EDIL3: variants seen among roughly 807,000 people sequenced by gnomAD.
EDIL3 encodes the protein EGF like and discoidin domains 3.
Under a neutral mutation model 67.4 loss-of-function variants are expected in EDIL3, and 37 were observed. The ratio of observed to expected loss-of-function variants is 0.55; its 90% CI spans 0.42 to 0.72. EDIL3 has a LOEUF of 0.72. Among genes scored for constraint, EDIL3 ranks in the 30% least tolerant of loss-of-function variants. The pLI, the probability that EDIL3 is intolerant of heterozygous loss-of-function variation, is 0.00. For missense variants in EDIL3, 527 were observed against 586.3 expected (o/e 0.90, Z 1.04); for synonymous variants, 195 against 196.3 (o/e 0.99, Z 0.05).
intron 9 of EDIL3, among the ~76,000 whole-genome samples, chr5:83,978,271 A>T (rs1744907676): frequency 6.6e-6 from 1 of 151,474 alleles, no homozygotes. Flanking sequence ...AAATGTTTTT[A>T]TGGTATTACA....
chr5:84,066,285 CTG>C (rs1260005865), intron 7 of EDIL3, among the ~76,000 whole-genome samples, 164 bp downstream of exon 7: 1 of 152,086 alleles, frequency 6.6e-6, no homozygotes, highest in African/African-American at 2.4e-5. Context: ...AGTTTATAAA[CTG>C]GAGAATTACT....
chr5:83,964,646 G>T (rs1744659990), intron 9 of EDIL3, among the ~76,000 whole-genome samples: 3 of 151,982 alleles, frequency 2.0e-5, no homozygotes, highest in Admixed American at 2.0e-4. Flanking sequence ...AGTTTCCAAT[G>T]TGTCACAGCC....
chr5:84,013,148 G>A (rs773608771), intron 9 of EDIL3, among the ~76,000 whole-genome samples: 1 of 151,828 alleles, frequency 6.6e-6, no homozygotes, highest in South Asian at 2.1e-4. Context: ...GAGGCTAAAA[G>A]AATGCATCTC....
chr5:84,183,028 T>C (rs1749042379), intron 3 of EDIL3, among the ~76,000 whole-genome samples: 1 of 152,168 alleles, frequency 6.6e-6, no homozygotes. Flanking sequence ...AAAATCATGC[T>C]GCAGAACCTA....
intron 4 of EDIL3, among the ~76,000 whole-genome samples, chr5:84,160,971 A>G (rs533584020): frequency 6.6e-6 from 1 of 151,938 alleles, no homozygotes; most frequent in African/African-American, 2.4e-5. Flanking sequence ...AGTACCCATT[A>G]TGTAGTCTTT....
chr5:84,316,132 A>T (rs1746507982), intron 1 of EDIL3, among the ~76,000 whole-genome samples: 1 of 152,196 alleles, frequency 6.6e-6, no homozygotes, highest in South Asian at 2.1e-4. Context: ...AAAAGATACA[A>T]CCAGTACCAT....
At chr5:84,337,095 C>T (rs1032466946) in intron 1 of EDIL3, among the ~76,000 whole-genome samples, 2 of 152,168 alleles carry the variant, frequency 1.3e-5, no homozygotes, top group Non-Finnish European at 2.9e-5. Context: ...TCCACCAACA[C>T]ATCCTGAACA....
intron 1 of EDIL3, among the ~76,000 whole-genome samples, chr5:84,381,250 G>T (rs1010044298): frequency 6.6e-6 from 1 of 152,076 alleles, no homozygotes; most frequent in Non-Finnish European, 1.5e-5. Flanking sequence ...GGAAAAAATT[G>T]TGTGTTGTAT....
intron 1 of EDIL3, among the ~76,000 whole-genome samples, chr5:84,333,790 A>G (rs182302622): frequency 3.7e-4 from 57 of 152,298 alleles, no homozygotes; most frequent in African/African-American, 1.3e-3. Context: ...TATAATCAAT[A>G]AAAATAAGTA....
chr5:84,013,274 C>T (rs1006985519), intron 9 of EDIL3, among the ~76,000 whole-genome samples: 1 of 151,892 alleles, frequency 6.6e-6, no homozygotes. Flanking sequence ...ATTTTAAATT[C>T]TTCAATCTAA....
chr5:84,188,980 T>G (rs561325700), intron 3 of EDIL3, among the ~76,000 whole-genome samples: 1 of 152,176 alleles, frequency 6.6e-6, no homozygotes, highest in East Asian at 1.9e-4. Flanking sequence ...ATACCTGAAT[T>G]GGGGGTAGGG....
chr5:84,075,312 C>A (rs1437884028), intron 6 of EDIL3, among the ~76,000 whole-genome samples: 1 of 151,794 alleles, frequency 6.6e-6, no homozygotes, highest in Non-Finnish European at 1.5e-5. Context: ...AACTAACCTG[C>A]ACATTGTGCA....
At chr5:84,086,323 G>A (rs1397333245) in intron 6 of EDIL3, among the ~76,000 whole-genome samples, 4 of 152,142 alleles carry the variant, frequency 2.6e-5, no homozygotes, top group Admixed American at 6.5e-5. Context: ...CCTGATCTGC[G>A]GATTGCAAAA....
intron 1 of EDIL3, among the ~76,000 whole-genome samples, chr5:84,316,089 C>T (rs991036002): frequency 6.6e-6 from 1 of 152,112 alleles, no homozygotes. Flanking sequence ...CAGGCCTGCC[C>T]TACAAGAGCT....
chr5:84,187,433 A>G (rs1743487959), intron 3 of EDIL3, among the ~76,000 whole-genome samples: 2 of 152,112 alleles, frequency 1.3e-5, no homozygotes, highest in South Asian at 4.1e-4. Flanking sequence ...ATAGGTTAAC[A>G]TTCTCCTGTG....
chr5:84,064,137 C>T (rs1396115399), intron 8 of EDIL3, among the ~76,000 whole-genome samples: 2 of 151,984 alleles, frequency 1.3e-5, no homozygotes, highest in African/African-American at 4.8e-5. Flanking sequence ...AAACAGGTTG[C>T]TAGCTAAGAA....
intron 1 of EDIL3, among the ~76,000 whole-genome samples, chr5:84,262,707 T>C (rs1477198756): frequency 7.9e-6 from 1 of 126,088 alleles, no homozygotes; most frequent in Non-Finnish European, 1.6e-5. Flanking sequence ...AGTCTCACTC[T>C]GTCACCCAAG....
chr5:84,197,447 A>C (rs991034021), intron 3 of EDIL3, among the ~76,000 whole-genome samples: 2 of 151,846 alleles, frequency 1.3e-5, no homozygotes, highest in Admixed American at 1.3e-4. Flanking sequence ...TAAGTAAAGC[A>C]GTCAGGAGAT....
chr5:84,062,349 G>T (rs563819305), intron 8 of EDIL3, among the ~76,000 whole-genome samples: 2 of 151,992 alleles, frequency 1.3e-5, no homozygotes, highest in Non-Finnish European at 2.9e-5. Flanking sequence ...CCAAGTCTTT[G>T]AAAACTTTGC....
Sources: gnomAD v4.1 joint callset for allele counts (sites outside exome capture counted in the v4.1 genomes callset) on GRCh38, gnomAD v4.1.1 for gene constraint, MANE v1.5 for transcripts, NCBI Gene and HGNC (gene_info 2026-07-23, HGNC 2026-07-21) for gene names.